Variants in SH3GL2 observed in about 807,000 individuals in gnomAD.
SH3GL2 encodes the protein SH3 domain containing GRB2 like 2, endophilin A1.
In SH3GL2, 24 loss-of-function variants were observed where a neutral mutation model predicts 46.0. That is an observed-to-expected ratio of 0.52 (90% CI 0.38 to 0.73). The LOEUF (loss-of-function observed/expected upper bound fraction) is 0.73, where lower values mean the gene tolerates loss of function less well. Among genes scored for constraint, SH3GL2 ranks in the 30% least tolerant of loss-of-function variants. The pLI is 0.00. For missense variants in SH3GL2, 413 were observed against 424.2 expected (o/e 0.97, Z 0.23); for synonymous variants, 196 against 147.1 (o/e 1.33, Z -2.40).
chr9:17,712,036 T>A (rs1821638640), intron 1 of SH3GL2, among the ~76,000 whole-genome samples: 1 of 151,820 alleles, frequency 6.6e-6, no homozygotes, highest in East Asian at 1.9e-4. Context: ...GTAGTTGTAG[T>A]TTTTAATTGG....
intron 1 of SH3GL2, among the ~76,000 whole-genome samples, chr9:17,622,252 T>C (rs1239517390): frequency 6.6e-6 from 1 of 152,166 alleles, no homozygotes; most frequent in Non-Finnish European, 1.5e-5. Context: ...ACCCATCTGC[T>C]TCATCCCGTA....
At chr9:17,643,078 T>C (rs1328620617) in intron 1 of SH3GL2, among the ~76,000 whole-genome samples, 1 of 152,236 alleles carries the variant, frequency 6.6e-6, no homozygotes, top group Admixed American at 6.5e-5. Context: ...CAGTGGTTTG[T>C]AGTTCTCCTT....
intron 3 of SH3GL2, among the ~76,000 whole-genome samples, chr9:17,774,367 A>G (rs986063234): frequency 1.3e-5 from 2 of 152,052 alleles, no homozygotes; most frequent in African/African-American, 4.8e-5. Context: ...CTCGTTACTG[A>G]TCTTAGAGTA....
At chr9:17,580,107 C>G (rs551990979) in intron 1 of SH3GL2, among the ~76,000 whole-genome samples, 2 of 152,236 alleles carry the variant, frequency 1.3e-5, no homozygotes, top group East Asian at 3.9e-4. Context: ...TCATTGGACT[C>G]AAAGAATTTT....
At chr9:17,643,450 G>T (rs954906468) in intron 1 of SH3GL2, among the ~76,000 whole-genome samples, 5 of 151,492 alleles carry the variant, frequency 3.3e-5, no homozygotes, top group African/African-American at 1.2e-4. Context: ...ATGTTGAATA[G>T]GAGTTTTCAA....
intron 1 of SH3GL2, among the ~76,000 whole-genome samples, chr9:17,694,507 G>A (rs1043386367): frequency 6.6e-6 from 1 of 152,128 alleles, no homozygotes; most frequent in Non-Finnish European, 1.5e-5. Flanking sequence ...TGATGTACCT[G>A]AAGCTGCTAA....
chr9:17,688,586 T>C (rs1019557920), intron 1 of SH3GL2, among the ~76,000 whole-genome samples: 20 of 151,908 alleles, frequency 1.3e-4, no homozygotes, highest in African/African-American at 4.8e-4. Context: ...GATTCTAGTA[T>C]GGGGGCAGGA....
chr9:17,696,866 C>T (rs1401997552), intron 1 of SH3GL2, among the ~76,000 whole-genome samples: 1 of 152,196 alleles, frequency 6.6e-6, no homozygotes, highest in African/African-American at 2.4e-5. Flanking sequence ...AATTGCTCTC[C>T]ACATGCATAG....
chr9:17,719,287 C>G (rs2118330388), intron 1 of SH3GL2, among the ~76,000 whole-genome samples: 1 of 152,212 alleles, frequency 6.6e-6, no homozygotes, highest in South Asian at 2.1e-4. Flanking sequence ...ATTCTGAACT[C>G]TAACACTTCA....
chr9:17,640,751 G>A (rs1819660451), intron 1 of SH3GL2, among the ~76,000 whole-genome samples: 1 of 152,196 alleles, frequency 6.6e-6, no homozygotes, highest in South Asian at 2.1e-4. Context: ...TATTTATTGT[G>A]CATATATTAT....
intron 1 of SH3GL2, among the ~76,000 whole-genome samples, chr9:17,674,838 G>T (rs1008702498): frequency 6.6e-6 from 1 of 152,150 alleles, no homozygotes. Flanking sequence ...GAGACTAAGG[G>T]TGAAAGTTGC....
chr9:17,650,888 T>C (rs1819939015), intron 1 of SH3GL2, among the ~76,000 whole-genome samples: 1 of 152,200 alleles, frequency 6.6e-6, no homozygotes. Flanking sequence ...TCACTGGTCA[T>C]CTTATGTCCT....
intron 1 of SH3GL2, among the ~76,000 whole-genome samples, chr9:17,677,533 T>C (rs545226810): frequency 3.1e-4 from 47 of 152,126 alleles, no homozygotes; most frequent in Non-Finnish European, 4.7e-4. Context: ...CAAATCTCTT[T>C]TTTTAAACTC....
intron 1 of SH3GL2, among the ~76,000 whole-genome samples, chr9:17,581,336 T>C (rs1044919252): frequency 6.6e-6 from 1 of 152,216 alleles, no homozygotes; most frequent in Admixed American, 6.5e-5. Context: ...TTAATGTTTA[T>C]CACACCGAAT....
At chr9:17,623,836 A>G (rs1819214115) in intron 1 of SH3GL2, among the ~76,000 whole-genome samples, 1 of 152,184 alleles carries the variant, frequency 6.6e-6, no homozygotes, top group East Asian at 1.9e-4. Context: ...AAGAATTGGG[A>G]TATTCTCTTA....
intron 1 of SH3GL2, among the ~76,000 whole-genome samples, chr9:17,634,168 G>T (rs1819492790): frequency 6.6e-6 from 1 of 152,148 alleles, no homozygotes; most frequent in Non-Finnish European, 1.5e-5. Flanking sequence ...CCCTCAGGTG[G>T]CTGTGGAGGT....
intron 1 of SH3GL2, among the ~76,000 whole-genome samples, chr9:17,595,324 A>G (rs995412452): frequency 6.6e-6 from 1 of 152,248 alleles, no homozygotes; most frequent in African/African-American, 2.4e-5. Context: ...GAAAGGCAGT[A>G]TTTGAAAGAG....
intron 1 of SH3GL2, among the ~76,000 whole-genome samples, chr9:17,611,414 G>A (rs910333213): frequency 1.3e-5 from 2 of 151,946 alleles, no homozygotes; most frequent in Admixed American, 1.3e-4. Context: ...TTATCCTTGG[G>A]GCATTACAAT....
chr9:17,725,703 T>G (rs1822004702), intron 1 of SH3GL2, among the ~76,000 whole-genome samples: 1 of 152,052 alleles, frequency 6.6e-6, no homozygotes, highest in South Asian at 2.1e-4. Context: ...GGCCCCAGTA[T>G]TCTCAGACTT....
Sources: gnomAD v4.1 joint callset for allele counts (sites outside exome capture counted in the v4.1 genomes callset) on GRCh38, gnomAD v4.1.1 for gene constraint, MANE v1.5 for transcripts, NCBI Gene and HGNC (gene_info 2026-07-23, HGNC 2026-07-21) for gene names.